Variants in ITSN2 observed in about 807,000 individuals in gnomAD.
The protein encoded by ITSN2 is intersectin-2.
ITSN2 carries 156 observed loss-of-function variants against 243.7 expected under a neutral mutation model. The observed-to-expected ratio is 0.64, with a 90% CI of 0.56 to 0.73. The LOEUF is 0.73. Ranked by LOEUF, ITSN2 falls within the 30% of genes least tolerant of loss-of-function variation. The probability of loss-of-function intolerance (pLI) is 0.00; values close to 1 mark genes in which losing one functional copy is unlikely to be tolerated. For missense variants in ITSN2, 1,801 were observed against 1,996.1 expected (o/e 0.90, Z 1.86); for synonymous variants, 703 against 699.9 (o/e 1.00, Z -0.07).
At position 24,205,426 on chromosome 2, in the gene ITSN2, T is replaced by C. The variant is rs1573836566; in HGVS notation, c.4679-129A>G. On this transcript the variant is annotated intron_variant, in intron 37 of 39. Coordinates refer to ENST00000355123, the MANE Select transcript of ITSN2 (RefSeq NM_006277.3). ...CTGCCCTGGGCCCAACAGCCCAGCA[T>C]CTGGCTGCCCTGTGCCTTTCCCCAG... 2.2e-5 allele frequency: 16 copies of C among 732,356 alleles called. No homozygotes were observed. In the East Asian group the frequency reaches 4.4e-4, roughly 20 times the overall value. 45.4% of individuals were successfully genotyped at this position (732,356 alleles called of 1,614,324 possible). A position where few individuals can be genotyped will look rare whatever the true frequency, so the allele number is the denominator to read the frequency against.
intron 17 of ITSN2, among the ~76,000 whole-genome samples, chr2:24,279,436 A>G (rs55642516): frequency 0.34 from 51,967 of 152,094 alleles, 9,333 homozygotes; most frequent in African/African-American, 0.42. Context: ...AAGAAGAGTG[A>G]GGGAAAGTAA....
rs142554137 is a variant in ITSN2 at position 24,274,102 on chromosome 2, T to C, written c.2081+1611A>G. On this transcript the variant is annotated intron_variant, in intron 18 of 39. Transcript: ENST00000355123. ...GAAGAAAGATTAAGGTAACTGCATA[T>C]GTCAATAGAAAGTTCTGACATAAGG... 6.8e-4 allele frequency among the ~76,000 whole-genome samples: 103 copies of C among 152,340 alleles called. 1 individual carries two copies. The highest frequency in any genetic ancestry group is 2.3e-3 in the African/African-American group (95 of 41,578).
chr2:24,321,827 T>C (rs1410373580), intron 2 of ITSN2: 1 of 152,210 alleles, frequency 6.6e-6, no homozygotes, highest in Non-Finnish European at 1.5e-5. Context: ...TATTGAACCC[T>C]GACTATTGTC....
At chr2:24,221,100 T>G (rs1670408177) in intron 29 of ITSN2, 34 bp from the exon 30 acceptor site, 2 of 1,586,084 alleles carry the variant, frequency 1.3e-6, no homozygotes, top group East Asian at 2.3e-5. Context: ...AAAATATTAC[T>G]TTAGTCAACT....
intron 1 of ITSN2, among the ~76,000 whole-genome samples, chr2:24,337,329 T>TAC (rs1435357275): frequency 0.079 from 7,398 of 94,042 alleles, 996 homozygotes; most frequent in Non-Finnish European, 0.094. Flanking sequence ...TATATATATA[T>TAC]ATATATATAT....
intron 29 of ITSN2, 36 bp downstream of exon 29, chr2:24,246,092 AC>A: frequency 7.0e-7 from 1 of 1,437,188 alleles, no homozygotes; most frequent in Non-Finnish European, 9.6e-7. Context: ...TTGAAGTTTC[AC>A]ACTAGGTGAG....
chr2:24,320,270 A>G (rs956479683), intron 2 of ITSN2, among the ~76,000 whole-genome samples: 3 of 152,054 alleles, frequency 2.0e-5, no homozygotes, highest in Non-Finnish European at 2.9e-5. Context: ...CTGTAATCCC[A>G]GCACTTTGGG....
Position 24,337,648 on chromosome 2 carries a change from CTT to C in ITSN2, c.-33-9535_-33-9534del, listed in dbSNP as rs751387126. Among the ~76,000 whole-genome samples the C allele has an allele frequency of 6.4e-3, 749 of 117,658 alleles. 4 individuals carry two copies. The highest frequency in any genetic ancestry group is 0.023 in the African/African-American group (723 of 31,920). 77.2% of individuals were successfully genotyped at this position (117,658 alleles called of 152,430 possible). A position where few individuals can be genotyped will look rare whatever the true frequency, so the allele number is the denominator to read the frequency against. Reference sequence around the variant, plus strand: ...TACAGGCGTGAGCCACCACGCCTGGCTTTTTTTTTTTTTTTTTTTTCTAGAGA... The same window carrying C: ...TACAGGCGTGAGCCACCACGCCTGGCTTTTTTTTTTTTTTTTTTCTAGAGA... On this transcript the variant is annotated intron_variant, in intron 1 of 39. Coordinates refer to ENST00000355123, the MANE Select transcript of ITSN2 (RefSeq NM_006277.3).
At chr2:24,333,547 TGTTA>T (rs1357106021) in intron 1 of ITSN2, among the ~76,000 whole-genome samples, 1 of 152,220 alleles carries the variant, frequency 6.6e-6, no homozygotes, top group African/African-American at 2.4e-5. Context: ...TTTTGAATAC[TGTTA>T]GTTATGTATG....
intron 32 of ITSN2, among the ~76,000 whole-genome samples, chr2:24,213,772 T>G (rs913098185): frequency 2.6e-5 from 4 of 152,248 alleles, no homozygotes; most frequent in Admixed American, 2.6e-4. Context: ...ATTATTCTGA[T>G]GAATGTTTAA....
At position 24,295,741 on chromosome 2, in the gene ITSN2, T is replaced by C. The variant is rs1388200738; in HGVS notation, c.1558A>G (p.Lys520Glu). ...QDVRLKKQTQ[K>E]TELEVLDKQC... ...TTATCCAGAACTTCCAGCTCAGTCTTTTGAGTTTGCTTTTTGAGTCGGACA... is the reference window on the plus strand; with the variant it reads ...TTATCCAGAACTTCCAGCTCAGTCTCTTGAGTTTGCTTTTTGAGTCGGACA... Residue 520 changes from lysine to glutamate, a missense_variant, in exon 14 of 40, where the codon AAG (lysine) becomes GAG (glutamate). Transcript: ENST00000355123. 2 of 1,567,664 alleles carry C rather than the reference T, an allele frequency of 1.3e-6. No homozygotes were observed. Among genetic ancestry groups the C allele is most frequent in the African/African-American group, 1.4e-5 (1 of 71,648 alleles).
intron 30 of ITSN2, 47 bp from the exon 31 acceptor site, chr2:24,218,060 C>T (rs1670133233): frequency 8.1e-7 from 1 of 1,238,040 alleles, no homozygotes; most frequent in Non-Finnish European, 1.2e-6. Context: ...TGTGGATACA[C>T]AGCCTACGTG....
chr2:24,298,165 T>A (rs1469320310), intron 13 of ITSN2, among the ~76,000 whole-genome samples: 1 of 151,548 alleles, frequency 6.6e-6, no homozygotes, highest in Non-Finnish European at 1.5e-5. Flanking sequence ...CTAATTTTTG[T>A]TTGTTTGTTT....
chr2:24,307,086 G>A (rs957794796), intron 8 of ITSN2, among the ~76,000 whole-genome samples: 2 of 152,130 alleles, frequency 1.3e-5, no homozygotes, highest in East Asian at 1.9e-4. Flanking sequence ...TTACAGGCGT[G>A]AGCCACCGCA....
Position 24,350,750 on chromosome 2 carries a change from G to C in ITSN2, c.-34+9554C>G, listed in dbSNP as rs893494797. Among the ~76,000 whole-genome samples, 15 of 152,136 alleles carry C rather than the reference G, an allele frequency of 9.9e-5. 1 individual carries two copies. The highest frequency in any genetic ancestry group is 8.5e-4 in the Admixed American group (13 of 15,272). On this transcript the variant is annotated intron_variant, in intron 1 of 39. Transcript: ENST00000355123. ...TAAGTAAAAGAAGTGAGTCACAAAA[G>C]ACCATATATTGTATAATTCCATTTA...
chr2:24,256,114 C>T (rs1675011079), intron 23 of ITSN2, among the ~76,000 whole-genome samples: 1 of 152,128 alleles, frequency 6.6e-6, no homozygotes, highest in Non-Finnish European at 1.5e-5. Context: ...ATCCCAGCTA[C>T]TTGGGAGGCT....
intron 20 of ITSN2, among the ~76,000 whole-genome samples, chr2:24,265,493 G>A (rs1676556106): frequency 6.6e-6 from 1 of 151,710 alleles, no homozygotes; most frequent in Non-Finnish European, 1.5e-5. Context: ...TAGCTTAATA[G>A]ATTCTATGGG....
chr2:24,222,394 C>T (rs1670554255), intron 29 of ITSN2, among the ~76,000 whole-genome samples: 1 of 151,654 alleles, frequency 6.6e-6, no homozygotes, highest in Non-Finnish European at 1.5e-5. Flanking sequence ...ATAACTAGAA[C>T]TATCACAAAA....
At position 24,216,131 on chromosome 2, in the gene ITSN2, C is replaced by G; in HGVS notation, c.3908G>C (p.Arg1303Thr). 4 of 1,613,240 alleles carry G rather than the reference C, an allele frequency of 2.5e-6. No homozygotes were observed. The highest frequency in any genetic ancestry group is 3.4e-6 in the Non-Finnish European group (4 of 1,179,574). Residue 1303 changes from arginine (R) to threonine (T), a missense_variant, in exon 32 of 40, where the codon AGG (arginine) becomes ACG (threonine). Coordinates refer to ENST00000355123, the MANE Select transcript of ITSN2 (RefSeq NM_006277.3). ...TCCATTAAGCTGGCAGCTGCAGAAC[C>G]TGATGTAAGCCTGCATGTGGGACAG... is the stretch of plus-strand genomic sequence containing the variant. ...AELSHMQAYI[R>T]FCSCQLNGAA...
Sources: gnomAD v4.1 joint callset for allele counts (sites outside exome capture counted in the v4.1 genomes callset) on GRCh38, gnomAD v4.1.1 for gene constraint, MANE v1.5 for transcripts, NCBI Gene and HGNC (gene_info 2026-07-23, HGNC 2026-07-21) for gene names.